The following RIMS4 variants were observed in gnomAD, a reference collection of about 807,000 sequenced individuals.
RIMS4 encodes regulating synaptic membrane exocytosis 4, also known as regulating synaptic membrane exocytosis protein 4.
Under a neutral mutation model 29.0 loss-of-function variants are expected in RIMS4, and 9 were observed. The ratio of observed to expected loss-of-function variants is 0.31; its 90% CI spans 0.19 to 0.54. RIMS4 has a LOEUF of 0.54. Among genes scored for constraint, RIMS4 ranks in the 20% least tolerant of loss-of-function variants. The pLI, the probability that RIMS4 is intolerant of heterozygous loss-of-function variation, is 0.94. For synonymous variants in RIMS4, 130 were observed against 152.9 expected (o/e 0.85, Z 1.10); for missense variants, 193 against 365.7 (o/e 0.53, Z 3.85).
chr20:44,791,377 T>C (rs1270270656), intron 1 of RIMS4, among the ~76,000 whole-genome samples: 1 of 152,232 alleles, frequency 6.6e-6, no homozygotes, highest in Non-Finnish European at 1.5e-5. Context: ...TGCCACTTGC[T>C]AGCTGTCTGA....
intron 1 of RIMS4, among the ~76,000 whole-genome samples, chr20:44,786,710 A>T (rs2057891220): frequency 6.6e-6 from 1 of 152,138 alleles, no homozygotes; most frequent in African/African-American, 2.4e-5. Context: ...TCTCTCACTC[A>T]TCTTTCTATC....
intron 2 of RIMS4, among the ~76,000 whole-genome samples, chr20:44,768,812 A>T (rs1365719745): frequency 6.6e-6 from 1 of 152,210 alleles, no homozygotes; most frequent in Admixed American, 6.5e-5. Flanking sequence ...TTATAGACAC[A>T]ACTGTATTTG....
chr20:44,795,293 T>C (rs1036833220), intron 1 of RIMS4, among the ~76,000 whole-genome samples: 1 of 152,226 alleles, frequency 6.6e-6, no homozygotes, highest in Non-Finnish European at 1.5e-5. Context: ...CTGTGTGATC[T>C]TGGGCAACTT....
rs537760021 is a variant in RIMS4 at position 44,799,970 on chromosome 20, C to T, written c.97+10205G>A. Among the ~76,000 whole-genome samples, 6 of 152,292 alleles carry T rather than the reference C, an allele frequency of 3.9e-5. No individual in the cohort carries two copies. The East Asian group carries it at 1.2e-3, about 29-fold the overall frequency. On this transcript the variant is annotated intron_variant, in intron 1 of 5. Coordinates refer to ENST00000372851, the MANE Select transcript of RIMS4 (RefSeq NM_182970.4). ...ATTCATCTAATCCTCTTGACACCTT[C>T]GAGGCAGGATGGGGCTATGATAAGC...
At position 44,756,391 on chromosome 20, in the gene RIMS4, T is replaced by C; in HGVS notation, c.592-39A>G. ...GACACAGTGGTTCAAATCCTGCCAGTGCCACTCACAGGCCCAGAAGCAGAA... is the reference window on the plus strand; with the variant it reads ...GACACAGTGGTTCAAATCCTGCCAGCGCCACTCACAGGCCCAGAAGCAGAA... On this transcript the variant is annotated intron_variant, in intron 5 of 5. Transcript: ENST00000372851. The surrounding 1 kb of genome is among the most constrained non-coding windows in gnomAD (Gnocchi z 5.9). 1 of 1,571,494 alleles carries C rather than the reference T, an allele frequency of 6.4e-7. No individual in the cohort carries two copies. The highest frequency in any genetic ancestry group is 8.7e-7 in the Non-Finnish European group (1 of 1,148,604).
At chr20:44,771,441 G>C (rs751760783) in intron 1 of RIMS4, 28 bp from the exon 2 acceptor site, 1 of 1,594,870 alleles carries the variant, frequency 6.3e-7, no homozygotes, top group Non-Finnish European at 8.6e-7. Flanking sequence ...CAAGAGAGAT[G>C]GGAAGAGAGA....
chr20:44,792,914 C>T (rs75138813), intron 1 of RIMS4, among the ~76,000 whole-genome samples: 8 of 152,040 alleles, frequency 5.3e-5, no homozygotes, highest in Non-Finnish European at 8.8e-5. Flanking sequence ...CAAAAATGCC[C>T]GACTGAGAAG....
chr20:44,773,295 C>T (rs773853273), intron 1 of RIMS4, among the ~76,000 whole-genome samples: 3 of 152,142 alleles, frequency 2.0e-5, no homozygotes, highest in Non-Finnish European at 4.4e-5. Context: ...CTTTCCCTAG[C>T]TTGCATCTGC....
At chr20:44,772,404 T>C (rs981731706) in intron 1 of RIMS4, among the ~76,000 whole-genome samples, 2 of 152,194 alleles carry the variant, frequency 1.3e-5, no homozygotes, top group South Asian at 4.1e-4. Context: ...TCTTGAAGCC[T>C]CAGCACCAAG....
At chr20:44,800,762 A>G (rs2066274513) in intron 1 of RIMS4, among the ~76,000 whole-genome samples, 1 of 152,096 alleles carries the variant, frequency 6.6e-6, no homozygotes, top group African/African-American at 2.4e-5. Flanking sequence ...CTGAGGCCCA[A>G]AGAGTCAAAA....
intron 2 of RIMS4, among the ~76,000 whole-genome samples, chr20:44,766,075 T>A (rs2088382299): frequency 6.6e-6 from 1 of 152,048 alleles, no homozygotes; most frequent in Admixed American, 6.5e-5. Context: ...TGGAGGGCAC[T>A]GTGGTGGGGG....
Position 44,810,229 on chromosome 20 carries a change from C to T in RIMS4, c.43G>A (p.Glu15Lys), listed in dbSNP as rs1370012399. ...QSRLSLSASF[E>K]ALAIYFPCMN... ...CACGGGAAGTAGATGGCGAGCGCCT[C>T]GAAGGAGGCGGACAGACTGAGGCGG... Residue 15 changes from glutamate (E) to lysine (K), a missense_variant, in exon 1 of 6, where the codon GAG becomes AAG. By Grantham distance (56) the Glu-to-Lys change is moderately conservative. Transcript: ENST00000372851. 2 of 1,569,986 alleles carry T rather than the reference C, an allele frequency of 1.3e-6. No individual in the cohort carries two copies. Among genetic ancestry groups the T allele is most frequent in the East Asian group, 2.4e-5 (1 of 41,796 alleles).
chr20:44,765,480 T>C (rs2066109582), intron 2 of RIMS4, among the ~76,000 whole-genome samples: 1 of 152,144 alleles, frequency 6.6e-6, no homozygotes, highest in African/African-American at 2.4e-5. Flanking sequence ...TCTGGCATAC[T>C]CAAATGCTCA....
intron 2 of RIMS4, among the ~76,000 whole-genome samples, chr20:44,763,684 T>C (rs2145447339): frequency 6.6e-6 from 1 of 152,324 alleles, no homozygotes; most frequent in South Asian, 2.1e-4. Flanking sequence ...TTACTTTTGT[T>C]TGTGGAGCTG....
At chr20:44,781,215 C>T (rs1357231144) in intron 1 of RIMS4, among the ~76,000 whole-genome samples, 1 of 152,172 alleles carries the variant, frequency 6.6e-6, no homozygotes, top group Non-Finnish European at 1.5e-5. Flanking sequence ...GCGGTAGACT[C>T]ATAACATAGA....
chr20:44,771,495 G>T, intron 1 of RIMS4, 82 bp from the exon 2 acceptor site: 1 of 1,483,682 alleles, frequency 6.7e-7, no homozygotes, highest in Non-Finnish European at 9.1e-7. Context: ...CTGGTTAGCA[G>T]TGTTTCAGCA....
At chr20:44,803,403 A>ACTTC (rs1468050706) in intron 1 of RIMS4, among the ~76,000 whole-genome samples, 2 of 152,128 alleles carry the variant, frequency 1.3e-5, no homozygotes. Context: ...TCCTTCCAAG[A>ACTTC]CTTCCAGTCT....
At chr20:44,767,394 C>T (rs1286984783) in intron 2 of RIMS4, among the ~76,000 whole-genome samples, 2 of 152,152 alleles carry the variant, frequency 1.3e-5, no homozygotes, top group African/African-American at 4.8e-5. Flanking sequence ...CACAGAGCTC[C>T]AATTTCTGAT....
At chr20:44,793,990 GC>G (rs1389857521) in intron 1 of RIMS4, among the ~76,000 whole-genome samples, 5 of 152,168 alleles carry the variant, frequency 3.3e-5, no homozygotes, top group African/African-American at 1.2e-4. Context: ...GATCACTTGA[GC>G]CCAAGAGTTT....
Sources: allele counts gnomAD v4.1 joint callset (sites outside exome capture counted in the v4.1 genomes callset), GRCh38; gene constraint gnomAD v4.1.1; non-coding constraint Gnocchi (gnomAD v3.1); transcripts MANE v1.5; gene names NCBI Gene and HGNC (gene_info 2026-07-23, HGNC 2026-07-21).